The following AVL9 variants were observed in gnomAD, a reference collection of about 807,000 sequenced individuals.
AVL9 encodes the protein late secretory pathway protein AVL9 homolog.
Under a neutral mutation model 79.2 loss-of-function variants are expected in AVL9, and 49 were observed. That is an observed-to-expected ratio of 0.62 (90% CI 0.49 to 0.79). The LOEUF (loss-of-function observed/expected upper bound fraction) is 0.79. AVL9 is among the 30% of genes least tolerant of loss of function. The probability of loss-of-function intolerance (pLI) is 0.00; values close to 1 mark genes in which losing one functional copy is unlikely to be tolerated. For synonymous variants in AVL9, 299 were observed against 280.6 expected (o/e 1.07, Z -0.65); for missense variants, 682 against 776.8 (o/e 0.88, Z 1.45).
At chr7:32,582,088 A>G (rs533173456) in intron 15 of AVL9, among the ~76,000 whole-genome samples, 2 of 152,266 alleles carry the variant, frequency 1.3e-5, no homozygotes, top group East Asian at 3.9e-4. Context: ...CAGTTCTAAA[A>G]TTTTTCATTC....
In AVL9 at chr7:32,573,369, C is replaced by T; in HGVS notation, c.1521C>T (p.Ala507=). 1 of 1,613,716 alleles carries T rather than the reference C, an allele frequency of 6.2e-7. No homozygotes were observed. Among genetic ancestry groups the T allele is most frequent in the Non-Finnish European group, 8.5e-7 (1 of 1,179,992 alleles). Residue 507 remains alanine, a synonymous_variant, in exon 12 of 16, where the codon GCC becomes GCT. Coordinates refer to ENST00000318709, the MANE Select transcript of AVL9 (RefSeq NM_015060.3). ...AGGGAGGTGACGAATGGATCCGGGC[C>T]CAGTTTGCGGTCTACATTCATGCCC... ...GWEGGDEWIR[A]QFAVYIHALL...
At chr7:32,566,302 A>C (rs1790566370) in intron 10 of AVL9, among the ~76,000 whole-genome samples, 1 of 147,442 alleles carries the variant, frequency 6.8e-6, no homozygotes, top group African/African-American at 2.5e-5. Flanking sequence ...ACAGCCTCCC[A>C]AGTAGCTGGG....
chr7:32,575,207 T>C (rs1236750013), intron 12 of AVL9, among the ~76,000 whole-genome samples: 3 of 152,186 alleles, frequency 2.0e-5, no homozygotes, highest in Non-Finnish European at 2.9e-5. Context: ...CAAGTGATTC[T>C]CTTACCTCAG....
intron 1 of AVL9, among the ~76,000 whole-genome samples, chr7:32,507,771 T>C (rs549439712): frequency 5.3e-5 from 8 of 152,366 alleles, no homozygotes; most frequent in African/African-American, 1.4e-4. Context: ...AAGAGTGGAA[T>C]TGATGGATTA....
chr7:32,523,150 C>A (rs1231623535), intron 1 of AVL9, among the ~76,000 whole-genome samples: 38 of 81,236 alleles, frequency 4.7e-4, no homozygotes, highest in African/African-American at 1.7e-3. Context: ...GGTAATTAAC[C>A]AAAAAAAAAA....
chr7:32,558,621 TTTTCCAGG>T lies in AVL9; in HGVS notation c.674_679+2del, dbSNP rs749879598. The T allele has an allele frequency of 1.2e-6, 2 of 1,609,350 alleles. No homozygotes were observed. The highest frequency in any genetic ancestry group is 1.7e-6 in the Non-Finnish European group (2 of 1,178,074). ...GTGCACTGATGACTGTGTTATCCCT[TTTTCCAGG>T]TAAGAAAACAGCAGTATCTACTCTT... On this transcript the variant is annotated splice_donor_variant and coding_sequence_variant, in exon 9 of 16. Transcript: ENST00000318709. LOFTEE classifies it high-confidence loss of function.
At chr7:32,495,954 C>T (rs115750899) in intron 1 of AVL9, 152 bp downstream of exon 1, 213 of 446,366 alleles carry the variant, frequency 4.8e-4, no homozygotes, top group African/African-American at 4.1e-3. Flanking sequence ...CCTTTTGCAG[C>T]TCCTCCCACC....
At chr7:32,566,531 G>C (rs1191041929) in intron 10 of AVL9, among the ~76,000 whole-genome samples, 2 of 588 alleles carry the variant, frequency 3.4e-3, no homozygotes, top group African/African-American at 0.018. Flanking sequence ...AAATAAAATA[G>C]TATATAAATA....
intron 1 of AVL9, chr7:32,536,190 A>G (rs1318917408): frequency 2.0e-5 from 3 of 151,874 alleles, no homozygotes; most frequent in Non-Finnish European, 2.9e-5. Flanking sequence ...GTACAGCTAT[A>G]TGTACTTCAC....
intron 10 of AVL9, among the ~76,000 whole-genome samples, chr7:32,565,397 TA>T (rs1368992954): frequency 6.6e-6 from 1 of 151,864 alleles, no homozygotes; most frequent in African/African-American, 2.4e-5. Context: ...CCGTCTCTAC[TA>T]AAGATACAAA....
rs1260932759 is a variant in AVL9, at chr7:32,544,708, C to T, written c.229C>T (p.His77Tyr). 6 of 1,612,836 alleles carry T rather than the reference C, an allele frequency of 3.7e-6. No homozygotes were observed. The highest frequency in any genetic ancestry group is 5.1e-6 in the Non-Finnish European group (6 of 1,179,444). Reference sequence around the variant, plus strand: ...GTATCTCTTAGATACTGTGTTTTTTCACTTGCCACCCAGAAATGGAAATGG... The same window carrying T: ...GTATCTCTTAGATACTGTGTTTTTTTACTTGCCACCCAGAAATGGAAATGG... ...HNYQEDTVFFHLPPRNGNGAT... is the reference protein window; with the variant it reads ...HNYQEDTVFFYLPPRNGNGAT... The change falls in exon 3 of 16, where the codon CAC becomes TAC. Residue 77 changes from histidine (H) to tyrosine (Y), a missense_variant. Transcript: ENST00000318709.
chr7:32,583,107 C>T (rs1374121665), intron 15 of AVL9, among the ~76,000 whole-genome samples: 1 of 152,176 alleles, frequency 6.6e-6, no homozygotes, highest in Non-Finnish European at 1.5e-5. Flanking sequence ...CTACAACAGT[C>T]TAACCACTCT....
chr7:32,532,185 C>T (rs1788687948), intron 1 of AVL9: 1 of 152,196 alleles, frequency 6.6e-6, no homozygotes, highest in Non-Finnish European at 1.5e-5. Context: ...AGATTCTTTT[C>T]CAAAGTTAGG....
chr7:32,558,616 T>G lies in AVL9; in HGVS notation c.667T>G (p.Ser223Ala), dbSNP rs1454427152. 1.2e-6 allele frequency: 2 copies of G among 1,610,470 alleles called. No homozygotes were observed. The highest frequency in any genetic ancestry group is 2.7e-5 in the African/African-American group (2 of 74,740). The stretch of plus-strand genomic sequence containing the variant: ...GGTGGGTGCACTGATGACTGTGTTA[T>G]CCCTTTTTCCAGGTAAGAAAACAGC... Reference protein sequence around the residue: ...KLVGALMTVLSLFPGMIEHGL... With the variant: ...KLVGALMTVLALFPGMIEHGL... Residue 223 changes from serine to alanine, a missense_variant, in exon 9 of 16, where the codon TCC becomes GCC. Transcript: ENST00000318709.
At chr7:32,503,560 G>A (rs866582637) in intron 1 of AVL9, among the ~76,000 whole-genome samples, 26 of 123,858 alleles carry the variant, frequency 2.1e-4, no homozygotes, top group African/African-American at 2.8e-4. Context: ...CGTCTCAAGG[G>A]AAAAAAAAAA....
chr7:32,527,619 C>G (rs1294010185), intron 1 of AVL9, among the ~76,000 whole-genome samples: 1 of 152,102 alleles, frequency 6.6e-6, no homozygotes, highest in African/African-American at 2.4e-5. Context: ...AGTGAATTGT[C>G]TGTAAGTCTT....
chr7:32,514,210 C>T (rs1787811644), intron 1 of AVL9, among the ~76,000 whole-genome samples: 1 of 152,156 alleles, frequency 6.6e-6, no homozygotes, highest in African/African-American at 2.4e-5. Context: ...AAGGTCTTTC[C>T]CTTCCCACGA....
Position 32,495,636 on chromosome 7 carries a change from C to T in AVL9, c.-74C>T. Reference sequence around the variant, plus strand: ...GCTGACACCCGAAGTCCGCGGCTTTCCGCACACGGTGGGGTCGTCAGACCC... The same window carrying T: ...GCTGACACCCGAAGTCCGCGGCTTTTCGCACACGGTGGGGTCGTCAGACCC... On this transcript the variant is annotated 5_prime_UTR_variant, in exon 1 of 16. Coordinates refer to ENST00000318709, the MANE Select transcript of AVL9 (RefSeq NM_015060.3). 9.4e-7 allele frequency: 1 copy of T among 1,062,068 alleles called. No homozygotes were observed. The highest frequency in any genetic ancestry group is 1.2e-6 in the Non-Finnish European group (1 of 818,008). The allele number at this position is 1,062,068 out of a possible 1,614,324, so 65.8% of individuals were successfully genotyped here. A position where few individuals can be genotyped will look rare whatever the true frequency, so the allele number is the denominator to read the frequency against.
chr7:32,509,454 G>C (rs1562753650), intron 1 of AVL9, among the ~76,000 whole-genome samples: 3 of 152,154 alleles, frequency 2.0e-5, no homozygotes, highest in Non-Finnish European at 2.9e-5. Context: ...CTTGAAAACA[G>C]ATTAACGCTT....
Sources: gnomAD v4.1 joint callset for allele counts (sites outside exome capture counted in the v4.1 genomes callset) on GRCh38, gnomAD v4.1.1 for gene constraint, MANE v1.5 for transcripts, NCBI Gene and HGNC (gene_info 2026-07-23, HGNC 2026-07-21) for gene names.